COL4A2: variants seen among roughly 807,000 people sequenced by gnomAD.
The protein encoded by COL4A2 is collagen alpha-2(IV) chain.
Under a neutral mutation model 200.2 loss-of-function variants are expected in COL4A2, and 99 were observed. The observed-to-expected ratio is 0.49, with a 90% CI of 0.42 to 0.58. The LOEUF is 0.58. Ranked by LOEUF, COL4A2 falls within the 20% of genes least tolerant of loss-of-function variation. COL4A2 has a pLI of 0.00. For missense variants in COL4A2, 1,950 were observed against 2,314.1 expected (o/e 0.84, Z 3.23); for synonymous variants, 897 against 900.6 (o/e 1.00, Z 0.07).
At chr13:110,367,068 T>G (rs1877786882) in intron 4 of COL4A2, among the ~76,000 whole-genome samples, 1 of 152,170 alleles carries the variant, frequency 6.6e-6, no homozygotes, top group Non-Finnish European at 1.5e-5. Flanking sequence ...GCCTAGAGGT[T>G]TGCATTCTAG....
At chr13:110,438,557 C>T (rs758523205) in intron 14 of COL4A2, 61 bp from the exon 15 acceptor site, 12 of 1,595,554 alleles carry the variant, frequency 7.5e-6, no homozygotes, top group Non-Finnish European at 9.5e-6. Context: ...GACACGTGGG[C>T]CCTGTTGGCT....
chr13:110,331,933 T>TTCACTCTG, intron 3 of COL4A2, among the ~76,000 whole-genome samples: 1 of 152,210 alleles, frequency 6.6e-6, no homozygotes, highest in Non-Finnish European at 1.5e-5. Flanking sequence ...AAGACCTTTT[T>TTCACTCTG]TCACTCTGTC....
At chr13:110,396,452 C>CT (rs1879185622) in intron 4 of COL4A2, among the ~76,000 whole-genome samples, 1 of 152,152 alleles carries the variant, frequency 6.6e-6, no homozygotes, top group African/African-American at 2.4e-5. Flanking sequence ...TCTTGAGTAG[C>CT]CCTCTGGGTT....
At chr13:110,396,184 A>G (rs1320546762) in intron 4 of COL4A2, among the ~76,000 whole-genome samples, 2 of 152,204 alleles carry the variant, frequency 1.3e-5, no homozygotes, top group Non-Finnish European at 1.5e-5. Flanking sequence ...GATTATTAAC[A>G]TCTTGTATTA....
intron 19 of COL4A2, 55 bp downstream of exon 19, chr13:110,449,844 C>A: frequency 1.3e-6 from 2 of 1,495,980 alleles, no homozygotes; most frequent in East Asian, 2.5e-5. Context: ...GCACTCAGGT[C>A]CTAGCACACA....
chr13:110,335,166 T>C (rs1594153281), intron 3 of COL4A2, among the ~76,000 whole-genome samples: 1 of 152,088 alleles, frequency 6.6e-6, no homozygotes, highest in East Asian at 1.9e-4. Context: ...GATCCTGTGG[T>C]TGGGAGTCTG....
At chr13:110,412,107 G>A (rs893015415) in intron 4 of COL4A2, among the ~76,000 whole-genome samples, 9 of 152,210 alleles carry the variant, frequency 5.9e-5, no homozygotes, top group African/African-American at 1.9e-4. Flanking sequence ...TAACAGGTCC[G>A]CCAATACACA....
At chr13:110,486,652 T>G (rs1883126985) in intron 34 of COL4A2, among the ~76,000 whole-genome samples, 1 of 152,062 alleles carries the variant, frequency 6.6e-6, no homozygotes. Flanking sequence ...GCAATCAAGC[T>G]GTTAATTTCA....
At chr13:110,470,631 T>C (rs1882433718) in intron 28 of COL4A2, among the ~76,000 whole-genome samples, 1 of 152,188 alleles carries the variant, frequency 6.6e-6, no homozygotes, top group African/African-American at 2.4e-5. Context: ...CTTTTCCAAC[T>C]GGGCTCTAGA....
intron 45 of COL4A2, 51 bp from the exon 46 acceptor site, chr13:110,506,364 C>T (rs773471431): frequency 3.2e-6 from 5 of 1,547,368 alleles, no homozygotes; most frequent in African/African-American, 2.7e-5. Flanking sequence ...CTCTCTTTCT[C>T]GGGCTGCAGG....
At chr13:110,419,980 G>T (rs1424734410) in intron 4 of COL4A2, among the ~76,000 whole-genome samples, 1 of 152,216 alleles carries the variant, frequency 6.6e-6, no homozygotes, top group Non-Finnish European at 1.5e-5. Flanking sequence ...CCTCAGGAAT[G>T]CCAGGATGGG....
intron 4 of COL4A2, among the ~76,000 whole-genome samples, chr13:110,371,103 G>A (rs536005796): frequency 1.6e-4 from 25 of 152,316 alleles, no homozygotes; most frequent in African/African-American, 5.3e-4. Context: ...TGGAAATCCC[G>A]GTTGATCACA....
At chr13:110,449,488 C>T (rs1881451574) in intron 18 of COL4A2, among the ~76,000 whole-genome samples, 191 bp from the exon 19 acceptor site, 2 of 152,208 alleles carry the variant, frequency 1.3e-5, no homozygotes, top group South Asian at 4.1e-4. Flanking sequence ...TTCACTAATC[C>T]TGTTCCCCTG....
chr13:110,423,113 G>A (rs533612486), intron 4 of COL4A2, among the ~76,000 whole-genome samples: 12 of 152,244 alleles, frequency 7.9e-5, no homozygotes, highest in African/African-American at 1.9e-4. Context: ...TAAAGGTGCC[G>A]TGTGATGAAT....
chr13:110,413,721 G>A (rs143263534), intron 4 of COL4A2, among the ~76,000 whole-genome samples: 248 of 152,342 alleles, frequency 1.6e-3, no homozygotes, highest in African/African-American at 5.5e-3. Flanking sequence ...TGGCTTGGGG[G>A]CAAGGCAGAC....
At chr13:110,322,126 T>A (rs1029364263) in intron 3 of COL4A2, among the ~76,000 whole-genome samples, 1 of 152,244 alleles carries the variant, frequency 6.6e-6, no homozygotes, top group African/African-American at 2.4e-5. Flanking sequence ...AAATGGTTAA[T>A]GTCAGGTATT....
intron 4 of COL4A2, among the ~76,000 whole-genome samples, chr13:110,359,623 TC>T (rs1475566891): frequency 6.6e-6 from 1 of 152,196 alleles, no homozygotes; most frequent in Non-Finnish European, 1.5e-5. Flanking sequence ...CGTAGCCATT[TC>T]CCATCCCTAC....
intron 29 of COL4A2, among the ~76,000 whole-genome samples, chr13:110,474,772 C>G (rs1470364063): frequency 6.7e-6 from 1 of 148,196 alleles, no homozygotes; most frequent in Non-Finnish European, 1.5e-5. Flanking sequence ...CACACACGCA[C>G]GTACCCACAC....
intron 4 of COL4A2, among the ~76,000 whole-genome samples, chr13:110,409,580 G>A (rs1279190126): frequency 6.6e-6 from 1 of 152,224 alleles, no homozygotes; most frequent in African/African-American, 2.4e-5. Context: ...TTTAACAAGT[G>A]CTGTTGGGAA....
Sources: gnomAD v4.1 joint callset for allele counts (sites outside exome capture counted in the v4.1 genomes callset) on GRCh38, gnomAD v4.1.1 for gene constraint, MANE v1.5 for transcripts, NCBI Gene and HGNC (gene_info 2026-07-23, HGNC 2026-07-21) for gene names.